TMC7: variants seen among roughly 807,000 people sequenced by gnomAD.
TMC7 encodes transmembrane channel-like protein 7.
Under a neutral mutation model 82.9 loss-of-function variants are expected in TMC7, and 54 were observed. The ratio of observed to expected loss-of-function variants is 0.65; its 90% CI spans 0.52 to 0.82. TMC7 has a LOEUF of 0.82. Ranked by LOEUF, TMC7 falls within the 40% of genes least tolerant of loss-of-function variation. The pLI, the probability that TMC7 is intolerant of heterozygous loss-of-function variation, is 0.00. For synonymous variants in TMC7, 350 were observed against 337.9 expected, an observed-to-expected ratio of 1.04 and a Z score of -0.39; for missense variants, 820 against 901.2, an observed-to-expected ratio of 0.91 and a Z score of 1.15.
Position 19,056,563 on chromosome 16 carries a change from T to G in TMC7, c.1893T>G (p.Cys631Trp). Residue 631 changes from cysteine to tryptophan, a missense_variant, in exon 14 of 16, where the codon TGT (cysteine) becomes TGG (tryptophan). By Grantham distance (215) the Cys-to-Trp change is radical. Coordinates refer to ENST00000304381, the MANE Select transcript of TMC7 (RefSeq NM_024847.4). The part of the protein sequence containing the change: ...SISRIPSSKA[C>W]GPFTNFNTTW... ...GCAGCATCCCTTCCTCGAAAGCCTG[T>G]GGGCCGTTCACCAACTTCAACACCA... The G allele has an allele frequency of 1.9e-6, 3 of 1,614,104 alleles. No homozygotes were observed. The highest frequency in any genetic ancestry group is 2.5e-6 in the Non-Finnish European group (3 of 1,179,988).
rs765280176 is a variant in TMC7 at position 19,051,741 on chromosome 16, C to A, written c.1796C>A (p.Ser599Tyr). 10 of 1,614,050 alleles carry A rather than the reference C, an allele frequency of 6.2e-6. No individual in the cohort carries two copies. Among genetic ancestry groups the A allele is most frequent in the Non-Finnish European group, 7.6e-6 (9 of 1,179,992 alleles). The change falls in exon 13 of 16, where the codon TCT (serine) becomes TAT (tyrosine). Residue 599 changes from serine to tyrosine, a missense_variant. Ser to Tyr is a moderately radical substitution (Grantham distance 144). Coordinates refer to ENST00000304381, the MANE Select transcript of TMC7 (RefSeq NM_024847.4). ...CCCAGGCCGTTCAGAGCATCCAATT[C>A]TAATTTCTTCTTCCTGTTGGTGTTG... ...PSPRPFRASN[S>Y]NFFFLLVLLI... is the part of the protein sequence containing the mutation.
chr16:19,037,661 TG>T (rs1396765506), intron 7 of TMC7, among the ~76,000 whole-genome samples: 1 of 151,922 alleles, frequency 6.6e-6, no homozygotes, highest in Non-Finnish European at 1.5e-5. Flanking sequence ...CTTGTAGAGA[TG>T]GGGTCTCACT....
intron 3 of TMC7, 130 bp from the exon 4 acceptor site, chr16:19,021,499 A>C: frequency 9.8e-7 from 1 of 1,015,960 alleles, no homozygotes; most frequent in Admixed American, 2.6e-5. Flanking sequence ...ACAATTGAGA[A>C]AAAAATAAAA....
chr16:19,016,340 T>G (rs1959689618), intron 2 of TMC7, 110 bp from the exon 3 acceptor site: 1 of 1,359,560 alleles, frequency 7.4e-7, no homozygotes, highest in Non-Finnish European at 1.0e-6. Context: ...TCCACCTGCC[T>G]CGGCCTCCCA....
At chr16:19,042,839 C>T (rs1225111546) in intron 9 of TMC7, among the ~76,000 whole-genome samples, 8 of 151,996 alleles carry the variant, frequency 5.3e-5, no homozygotes, top group Non-Finnish European at 1.2e-4. Context: ...CTCCGCCTCC[C>T]GGGTTCACGC....
chr16:19,050,724 C>G (rs1961499735), intron 12 of TMC7, among the ~76,000 whole-genome samples: 1 of 152,162 alleles, frequency 6.6e-6, no homozygotes, highest in African/African-American at 2.4e-5. Flanking sequence ...TGGTCTCGAA[C>G]TCCTGGCCTC....
At chr16:19,010,675 A>G (rs1230882896) in intron 2 of TMC7, among the ~76,000 whole-genome samples, 1 of 152,164 alleles carries the variant, frequency 6.6e-6, no homozygotes, top group African/African-American at 2.4e-5. Flanking sequence ...GCCTAAAACA[A>G]TAGTTTCTCA....
At chr16:19,051,595 A>G (rs1216962152) in intron 12 of TMC7, 91 bp from the exon 13 acceptor site, 47 of 1,452,502 alleles carry the variant, frequency 3.2e-5, no homozygotes, top group Non-Finnish European at 4.5e-5. Flanking sequence ...AGAGTGATTA[A>G]CATTCCCACT....
chr16:19,011,295 G>A lies in TMC7; in HGVS notation c.311+1880G>A, dbSNP rs183219252. 6.9e-4 allele frequency among the ~76,000 whole-genome samples: 105 copies of A among 152,116 alleles called. No homozygotes were observed. The Middle Eastern group carries it at 0.017, about 25-fold the overall frequency. On this transcript the variant is annotated intron_variant, in intron 2 of 15. Coordinates refer to ENST00000304381, the MANE Select transcript of TMC7 (RefSeq NM_024847.4). ...TGAAGAATTTAAAACATAATTTTCC[G>A]ATTGACCTGGTGTAATGACAGAGGT...
intron 14 of TMC7, among the ~76,000 whole-genome samples, chr16:19,058,179 G>A (rs931891209): frequency 1.3e-5 from 2 of 152,120 alleles, no homozygotes; most frequent in Non-Finnish European, 2.9e-5. Context: ...ATCACTTGAG[G>A]TCAGGAGTTC....
At chr16:19,020,130 G>C (rs913178208) in intron 3 of TMC7, among the ~76,000 whole-genome samples, 6 of 152,076 alleles carry the variant, frequency 3.9e-5, no homozygotes, top group Non-Finnish European at 8.8e-5. Flanking sequence ...TGCAGAAAAA[G>C]CTCTGATAAA....
At chr16:19,015,181 C>G (rs1959619551) in intron 2 of TMC7, among the ~76,000 whole-genome samples, 1 of 151,832 alleles carries the variant, frequency 6.6e-6, no homozygotes, top group South Asian at 2.1e-4. Flanking sequence ...TCAGGCTGGT[C>G]TTGAACTCCT....
chr16:19,029,148 G>A (rs1022188187), intron 5 of TMC7, among the ~76,000 whole-genome samples: 2 of 151,518 alleles, frequency 1.3e-5, no homozygotes, highest in African/African-American at 4.8e-5. Context: ...TGGGACTACA[G>A]GCGCCCGCCA....
rs926835789 is a variant in TMC7 at position 19,037,910 on chromosome 16, G to A, written c.1042G>A (p.Ala348Thr). 6.2e-7 allele frequency: 1 copy of A among 1,613,492 alleles called. No individual in the cohort carries two copies. Among genetic ancestry groups the A allele is most frequent in the Non-Finnish European group, 8.5e-7 (1 of 1,179,880 alleles). The change falls in exon 8 of 16, where the codon GCA becomes ACA. Residue 348 changes from alanine to threonine, a missense_variant. Ala to Thr is a moderately conservative substitution (Grantham distance 58). This residue lies in a region of TMC7 where 650 missense variants were observed against 669.9 expected (regional missense o/e 0.97). Coordinates refer to ENST00000304381, the MANE Select transcript of TMC7 (RefSeq NM_024847.4). ...GGAAGAAAGAATGCGGCAGAAAATA[G>A]CAGAAAGGACCTCAGAAGAAACAAT... Reference protein sequence around the residue: ...LEEERMRQKIAERTSEETIRI... With the variant: ...LEEERMRQKITERTSEETIRI...
intron 3 of TMC7, 123 bp downstream of exon 3, chr16:19,016,721 C>A: frequency 1.9e-6 from 2 of 1,064,042 alleles, no homozygotes; most frequent in South Asian, 1.7e-5. Context: ...TGAATGTGAG[C>A]AACAAACCAC....
chr16:19,000,615 C>T (rs1282393254), intron 1 of TMC7, among the ~76,000 whole-genome samples: 1 of 152,144 alleles, frequency 6.6e-6, no homozygotes, highest in Non-Finnish European at 1.5e-5. Context: ...GAAGAAAAAG[C>T]AAAGCACATT....
chr16:19,026,258 T>C (rs578187574), intron 5 of TMC7, among the ~76,000 whole-genome samples: 3 of 151,462 alleles, frequency 2.0e-5, no homozygotes, highest in African/African-American at 7.3e-5. Flanking sequence ...GGGTGGATCA[T>C]GAGGTCAGGA....
intron 7 of TMC7, among the ~76,000 whole-genome samples, chr16:19,037,342 T>A (rs1335390757): frequency 1.5e-5 from 2 of 135,616 alleles, no homozygotes; most frequent in Non-Finnish European, 3.0e-5. Flanking sequence ...GAGCCGAGAT[T>A]GGACCACTGC....
chr16:19,035,908 T>TC, intron 7 of TMC7, 85 bp downstream of exon 7: 1 of 1,471,526 alleles, frequency 6.8e-7, no homozygotes, highest in Non-Finnish European at 9.1e-7. Context: ...TTGCAGAGGA[T>TC]CAAGGGTCGG....
Sources: allele counts gnomAD v4.1 joint callset (sites outside exome capture counted in the v4.1 genomes callset), GRCh38; gene constraint gnomAD v4.1.1; regional missense constraint gnomAD v4.1.1; transcripts MANE v1.5; gene names NCBI Gene and HGNC (gene_info 2026-07-23, HGNC 2026-07-21).